Variants in KLHL4 observed in about 807,000 individuals in gnomAD.
KLHL4 encodes the protein kelch like family member 4.
In KLHL4, 17 loss-of-function variants were observed where a neutral mutation model predicts 45.8. That is an observed-to-expected ratio of 0.37 (90% CI 0.25 to 0.56). The LOEUF (loss-of-function observed/expected upper bound fraction) is 0.56. Ranked by LOEUF, KLHL4 falls within the 20% of genes least tolerant of loss-of-function variation. The pLI is 0.79. For missense variants in KLHL4, 544 were observed against 544.9 expected, an observed-to-expected ratio of 1.00 and a Z score of 0.02; for synonymous variants, 224 against 189.9, an observed-to-expected ratio of 1.18 and a Z score of -1.47.
intron 1 of KLHL4, among the ~76,000 whole-genome samples, chrX:87,593,432 G>T (rs898938272): frequency 1.8e-5 from 2 of 110,967 alleles, no homozygotes; most frequent in South Asian, 3.8e-4. Context: ...CATTCAAGTT[G>T]GTTGATTATT....
At chrX:87,537,604 A>G (rs977389408) in intron 1 of KLHL4, among the ~76,000 whole-genome samples, 11 of 111,134 alleles carry the variant, frequency 9.9e-5, no homozygotes, top group Non-Finnish European at 1.9e-4. Context: ...TTATCAAGGT[A>G]TAACTAACTA....
At chrX:87,652,164 C>T (rs1442847658) in intron 9 of KLHL4, among the ~76,000 whole-genome samples, 1 of 112,348 alleles carries the variant, frequency 8.9e-6, no homozygotes, top group Non-Finnish European at 1.9e-5. Flanking sequence ...TTGCAGGGCA[C>T]CAAGTCCCTA....
At chrX:87,615,984 C>A (rs1490910340) in intron 3 of KLHL4, among the ~76,000 whole-genome samples, 1 of 111,222 alleles carries the variant, frequency 9.0e-6, no homozygotes, top group Non-Finnish European at 1.9e-5. Context: ...TAGATCCTAA[C>A]AAAAATATGT....
At chrX:87,550,472 T>C (rs1201561481) in intron 1 of KLHL4, among the ~76,000 whole-genome samples, 2 of 111,269 alleles carry the variant, frequency 1.8e-5, no homozygotes, top group East Asian at 5.7e-4. Context: ...TTTCACAAGA[T>C]AGAGAAAGAG....
chrX:87,592,927 C>T (rs865887488), intron 1 of KLHL4, among the ~76,000 whole-genome samples: 1 of 110,875 alleles, frequency 9.0e-6, no homozygotes, highest in Middle Eastern at 5.0e-3. Flanking sequence ...TGATGGGATC[C>T]CACTTGCCTA....
intron 9 of KLHL4, among the ~76,000 whole-genome samples, chrX:87,642,765 G>A (rs1395367869): frequency 8.9e-6 from 1 of 112,309 alleles, no homozygotes; most frequent in East Asian, 2.8e-4. Flanking sequence ...GCCCTGGAAA[G>A]TCTCAGAATG....
intron 7 of KLHL4, among the ~76,000 whole-genome samples, chrX:87,633,310 T>A (rs895941784): frequency 1.8e-5 from 2 of 112,271 alleles, no homozygotes; most frequent in Non-Finnish European, 3.8e-5. Flanking sequence ...CTCACAGGAA[T>A]CTTTTTATCC....
chrX:87,578,749 G>A (rs1420129285), intron 1 of KLHL4, among the ~76,000 whole-genome samples: 1 of 112,202 alleles, frequency 8.9e-6, no homozygotes. Context: ...CTTTTGGTGT[G>A]CCACTCAAGA....
intron 1 of KLHL4, among the ~76,000 whole-genome samples, chrX:87,605,279 T>C (rs753317178): frequency 3.8e-4 from 42 of 111,442 alleles, no homozygotes; most frequent in South Asian, 1.1e-3. Context: ...TTTTAGGATT[T>C]GTTTTTGTAT....
intron 1 of KLHL4, among the ~76,000 whole-genome samples, chrX:87,597,977 GT>G (rs34598007): frequency 0.26 from 25,940 of 101,085 alleles, 2,445 homozygotes; most frequent in South Asian, 0.32. Context: ...AAAAAGCAGT[GT>G]TTTTTTTTTT....
intron 9 of KLHL4, among the ~76,000 whole-genome samples, chrX:87,663,233 A>G (rs1924258821): frequency 1.8e-5 from 2 of 111,215 alleles, no homozygotes; most frequent in Non-Finnish European, 3.8e-5. Context: ...TCTTGACTTC[A>G]GGCTCAATTT....
At chrX:87,555,696 G>T (rs1296585045) in intron 1 of KLHL4, among the ~76,000 whole-genome samples, 3 of 105,909 alleles carry the variant, frequency 2.8e-5, no homozygotes, top group Admixed American at 2.0e-4. Flanking sequence ...TTTTTTGAAG[G>T]GTTTTTTGTG....
intron 1 of KLHL4, among the ~76,000 whole-genome samples, chrX:87,609,416 C>A (rs896005982): frequency 4.5e-5 from 5 of 111,608 alleles, no homozygotes; most frequent in African/African-American, 1.3e-4. Flanking sequence ...TCCTCTCCAG[C>A]ACCTGTTGTT....
chrX:87,536,810 A>T (rs1347316783), intron 1 of KLHL4, among the ~76,000 whole-genome samples: 16 of 111,574 alleles, frequency 1.4e-4, no homozygotes, highest in African/African-American at 4.9e-4. Flanking sequence ...ATGTCATTAT[A>T]TTTTCATTTT....
chrX:87,548,845 G>GAAAAAAAAAAAAAAAA (rs58087826), intron 1 of KLHL4, among the ~76,000 whole-genome samples: 1 of 80,143 alleles, frequency 1.2e-5, no homozygotes, highest in Non-Finnish European at 2.5e-5. Context: ...AAGAAAGAAT[G>GAAAAAAAAAAAAAAAA]AAAAAAAAAA....
At chrX:87,638,431 G>C (rs760244716) in intron 9 of KLHL4, among the ~76,000 whole-genome samples, 11 of 111,578 alleles carry the variant, frequency 9.9e-5, no homozygotes, top group Non-Finnish European at 2.1e-4. Context: ...ATAATCTTAA[G>C]AACTGTGAGG....
At chrX:87,593,173 G>A (rs1177194754) in intron 1 of KLHL4, among the ~76,000 whole-genome samples, 2 of 110,948 alleles carry the variant, frequency 1.8e-5, no homozygotes, top group Non-Finnish European at 3.8e-5. Context: ...TTTCATTGTG[G>A]ATATCTTTGA....
intron 1 of KLHL4, among the ~76,000 whole-genome samples, chrX:87,592,882 G>T (rs188808464): frequency 1.4e-4 from 16 of 111,572 alleles, no homozygotes; most frequent in African/African-American, 4.9e-4. Flanking sequence ...TCACTTTTTT[G>T]ATTGTTTCAT....
intron 9 of KLHL4, among the ~76,000 whole-genome samples, chrX:87,638,970 CAAAT>C (rs1472652135): frequency 9.1e-6 from 1 of 110,408 alleles, no homozygotes; most frequent in African/African-American, 3.3e-5. Flanking sequence ...AATAAGGACT[CAAAT>C]AAACTTAAGG....
Sources: gnomAD v4.1 joint callset for allele counts (sites outside exome capture counted in the v4.1 genomes callset) on GRCh38, gnomAD v4.1.1 for gene constraint, MANE v1.5 for transcripts, NCBI Gene and HGNC (gene_info 2026-07-23, HGNC 2026-07-21) for gene names.